Variants in TAB1 observed in about 807,000 individuals in gnomAD.
TAB1 encodes the protein TGF-beta-activated kinase 1 and MAP3K7-binding protein 1.
TAB1 carries 30 observed loss-of-function variants against 54.5 expected under a neutral mutation model. The ratio of observed to expected loss-of-function variants is 0.55; its 90% confidence interval spans 0.41 to 0.75. TAB1 has a LOEUF of 0.75. TAB1 is among the 30% of genes least tolerant of loss of function. The pLI is 0.00. For missense variants in TAB1, 609 were observed against 683.2 expected (o/e 0.89, Z 1.21); for synonymous variants, 289 against 286.9 (o/e 1.01, Z -0.07).
At chr22:39,410,108 G>A (rs964972712) in intron 1 of TAB1, among the ~76,000 whole-genome samples, 2 of 151,962 alleles carry the variant, frequency 1.3e-5, no homozygotes, top group East Asian at 3.9e-4. Context: ...CTGTGAAGCC[G>A]TTTTTCTTCT....
Position 39,418,794 on chromosome 22 carries a change from G to T in TAB1, c.613G>T (p.Val205Leu). 6.2e-7 allele frequency: 1 copy of T among 1,614,196 alleles called. No individual in the cohort carries two copies. The highest frequency in any genetic ancestry group is 8.5e-7 in the Non-Finnish European group (1 of 1,180,030). Residue 205 changes from valine (V) to leucine (L), a missense_variant, in exon 6 of 11, where the codon GTG (valine) becomes TTG (leucine). By Grantham distance (32) the Val-to-Leu change is conservative (BLOSUM62 1). Transcript: ENST00000216160. ...TGGGTTGCAGGTGACACAGCTGAAC[G>T]TGGACCACACCACAGAGAACGAGGA... ...VDGLQVTQLN[V>L]DHTTENEDEL... is the part of the protein sequence containing the mutation.
chr22:39,428,502 A>T (rs1187412661), intron 10 of TAB1, among the ~76,000 whole-genome samples: 2 of 152,120 alleles, frequency 1.3e-5, no homozygotes, highest in Non-Finnish European at 2.9e-5. Flanking sequence ...TCCTTGCTTG[A>T]GGACATTGTC....
chr22:39,401,173 G>C (rs5757655), intron 1 of TAB1, among the ~76,000 whole-genome samples: 107,466 of 152,096 alleles, frequency 0.71, 38,223 homozygotes, highest in East Asian at 0.93. Context: ...GATGAGTAAA[G>C]GTTTGTAGCC....
intron 7 of TAB1, among the ~76,000 whole-genome samples, chr22:39,420,878 C>CTGTGTG (rs1370446636): frequency 5.3e-5 from 5 of 94,834 alleles, no homozygotes; most frequent in African/African-American, 2.7e-4. Context: ...TGGGGTGTCT[C>CTGTGTG]TCTCTGTGTG....
chr22:39,433,806 G>A (rs970401090), downstream of TAB1: 27 of 985,292 alleles, frequency 2.7e-5, no homozygotes, highest in Non-Finnish European at 3.0e-5. Flanking sequence ...TGTTGTTTGC[G>A]GGGCTAGTTC....
Position 39,399,810 on chromosome 22 carries a change from C to T in TAB1, c.8C>T (p.Ala3Val), listed in dbSNP as rs748312327. Residue 3 changes from alanine (A) to valine (V), a missense_variant, in exon 1 of 11, where the codon GCG (alanine) becomes GTG (valine). Physicochemically the swap from Ala to Val is moderately conservative, Grantham distance 64 (BLOSUM62 0). Transcript: ENST00000216160. MAAQRRSLLQSEQ... is the reference protein window; with the variant it reads MAVQRRSLLQSEQ... ...CGCAGGGGTTCCTCCAAGATGGCGG[C>T]GCAGAGGAGGAGCTTGCTGCAGAGT... 6.3e-7 allele frequency: 1 copy of T among 1,596,508 alleles called. No individual in the cohort carries two copies. The highest frequency in any genetic ancestry group is 8.5e-7 in the Non-Finnish European group (1 of 1,172,074).
At chr22:39,432,239 T>C (rs965909773), downstream of TAB1, among the ~76,000 whole-genome samples, 7 of 152,114 alleles carry the variant, frequency 4.6e-5, no homozygotes, top group African/African-American at 1.7e-4. Flanking sequence ...GGTGTGTGAG[T>C]GGTGCTGTGG....
intron 7 of TAB1, 21 bp downstream of exon 7, chr22:39,419,651 C>G (rs764787439): frequency 1.4e-5 from 22 of 1,556,984 alleles, no homozygotes; most frequent in Non-Finnish European, 1.1e-5. Context: ...GCCCAGCTGT[C>G]CCCTGTGCTT....
intron 1 of TAB1, among the ~76,000 whole-genome samples, chr22:39,405,499 G>A (rs551864514): frequency 1.8e-4 from 28 of 152,296 alleles, no homozygotes; most frequent in Non-Finnish European, 3.4e-4. Flanking sequence ...AGTGAGAGAC[G>A]CCCCCTTCTC....
At position 39,431,693 on chromosome 22, in the gene TAB1, T is replaced by A. The variant is rs932849151; in HGVS notation, c.*1471T>A. ...CAGCCCAGGGTCCTCGCTCACTCCC[T>A]CACTCCCCACTTTGAAGCCATCTCT... On this transcript the variant is annotated 3_prime_UTR_variant, in exon 11 of 11. Coordinates refer to ENST00000216160, the MANE Select transcript of TAB1 (RefSeq NM_006116.3). 64 of 985,446 alleles carry A rather than the reference T, an allele frequency of 6.5e-5. No homozygotes were observed. In the African/African-American group the frequency reaches 9.1e-4, roughly 14 times the overall value. The allele number at this position is 985,446 out of a possible 1,614,324, so 61.0% of individuals were successfully genotyped here. A position where few individuals can be genotyped will look rare whatever the true frequency, so the allele number is the denominator to read the frequency against.
intron 7 of TAB1, among the ~76,000 whole-genome samples, chr22:39,420,517 G>C (rs905414652): frequency 6.6e-6 from 1 of 152,178 alleles, no homozygotes; most frequent in Non-Finnish European, 1.5e-5. Context: ...CCTAGAAAGT[G>C]CATGTTAGAA....
intron 10 of TAB1, chr22:39,429,728 C>T (rs1601701774): frequency 5.7e-6 from 4 of 703,604 alleles, no homozygotes; most frequent in African/African-American, 1.9e-5. Context: ...GTGATCCACC[C>T]GTCTTGGCCT....
chr22:39,411,806 T>C (rs866978650), intron 1 of TAB1, among the ~76,000 whole-genome samples: 6 of 152,204 alleles, frequency 3.9e-5, no homozygotes, highest in South Asian at 2.1e-4. Flanking sequence ...TTCATAGTTA[T>C]AAGAAACGAA....
downstream of TAB1, chr22:39,433,387 C>T (rs954873252): frequency 4.2e-5 from 38 of 902,570 alleles, no homozygotes; most frequent in Admixed American, 6.2e-5. Context: ...GGAGGCGGAG[C>T]TTGCAGTGAG....
At chr22:39,411,033 G>C (rs1487033638) in intron 1 of TAB1, among the ~76,000 whole-genome samples, 1 of 152,064 alleles carries the variant, frequency 6.6e-6, no homozygotes, top group Non-Finnish European at 1.5e-5. Flanking sequence ...GAGTCTAGAA[G>C]TAGACCCACA....
downstream of TAB1, among the ~76,000 whole-genome samples, chr22:39,434,273 C>G (rs1233284436): frequency 6.6e-6 from 1 of 152,246 alleles, no homozygotes; most frequent in African/African-American, 2.4e-5. Flanking sequence ...CTATGGGCAC[C>G]CTTGTGCCAT....
At chr22:39,406,167 A>AGGCGTGT (rs1356601246) in intron 1 of TAB1, among the ~76,000 whole-genome samples, 1 of 152,186 alleles carries the variant, frequency 6.6e-6, no homozygotes, top group Non-Finnish European at 1.5e-5. Flanking sequence ...TGGGAGGCCA[A>AGGCGTGT]GGCGTGTGGA....
intron 1 of TAB1, among the ~76,000 whole-genome samples, chr22:39,408,585 C>T (rs1926477273): frequency 6.6e-6 from 1 of 152,208 alleles, no homozygotes; most frequent in African/African-American, 2.4e-5. Context: ...TCTCTGCAAC[C>T]TCCACCTCCT....
At chr22:39,409,559 C>T (rs1028550497) in intron 1 of TAB1, among the ~76,000 whole-genome samples, 8 of 152,346 alleles carry the variant, frequency 5.3e-5, no homozygotes, top group South Asian at 2.1e-4. Context: ...CTCGTGCTTC[C>T]GTAAACCTGA....
Sources: gnomAD v4.1 joint callset for allele counts (sites outside exome capture counted in the v4.1 genomes callset) on GRCh38, gnomAD v4.1.1 for gene constraint, MANE v1.5 for transcripts, NCBI Gene and HGNC (gene_info 2026-07-23, HGNC 2026-07-21) for gene names.